The following CEP131 variants were observed in gnomAD, a reference collection of about 807,000 sequenced individuals.
The protein encoded by CEP131 is centrosomal protein of 131 kDa.
A neutral mutation model predicts 136.8 loss-of-function variants in CEP131; 99 were observed. That is an observed-to-expected ratio of 0.72 (90% CI 0.62 to 0.86). The LOEUF (loss-of-function observed/expected upper bound fraction) is 0.86. Ranked by LOEUF, CEP131 falls within the 40% of genes least tolerant of loss-of-function variation. The probability of loss-of-function intolerance (pLI) is 0.00; values close to 1 mark genes in which losing one functional copy is unlikely to be tolerated. For synonymous variants in CEP131, 646 were observed against 612.7 expected (o/e 1.05, Z -0.80); for missense variants, 1,459 against 1,463.0 (o/e 1.00, Z 0.04).
At chr17:81,209,486 G>T (rs1766980250) in intron 2 of CEP131, among the ~76,000 whole-genome samples, 1 of 152,270 alleles carries the variant, frequency 6.6e-6, no homozygotes, top group Admixed American at 6.5e-5. Flanking sequence ...AGACCTGGTA[G>T]TGAGTGCAGC....
chr17:81,210,337 C>G (rs942316195), intron 2 of CEP131, among the ~76,000 whole-genome samples: 1 of 152,096 alleles, frequency 6.6e-6, no homozygotes. Flanking sequence ...TTTGGGAGGC[C>G]GAGGCGGGTG....
chr17:81,195,050 G>T, intron 16 of CEP131, 78 bp from the exon 17 acceptor site: 1 of 1,133,936 alleles, frequency 8.8e-7, no homozygotes, highest in Admixed American at 1.9e-5. Context: ...CACAGTCAGG[G>T]CCGGGCTTCC....
At chr17:81,209,279 G>A (rs910668963) in intron 2 of CEP131, among the ~76,000 whole-genome samples, 1 of 152,174 alleles carries the variant, frequency 6.6e-6, no homozygotes, top group Admixed American at 6.5e-5. Flanking sequence ...TTCACCCCTG[G>A]CAGAGGGAGG....
rs184410269 is a variant in CEP131 at position 81,200,927 on chromosome 17, T to A, written c.789-481A>T. Among the ~76,000 whole-genome samples the A allele has an allele frequency of 3.5e-3, 528 of 152,238 alleles. 2 individuals carry two copies. The highest frequency in any genetic ancestry group is 0.012 in the African/African-American group (490 of 41,530). On this transcript the variant is annotated intron_variant, in intron 7 of 25. Coordinates refer to ENST00000450824, the MANE Select transcript of CEP131 (RefSeq NM_014984.4). ...GCTGGCATCTGGGCGGGGAAGGAGC[T>A]CGAGGGAAGCCTGGTGGTGCTGGGC...
chr17:81,214,348 T>C (rs186655152), intron 2 of CEP131, among the ~76,000 whole-genome samples: 182 of 152,232 alleles, frequency 1.2e-3, no homozygotes, highest in African/African-American at 4.4e-3. Context: ...TTGAGGTCAG[T>C]AGTTTGAGAC....
rs577135140 is a variant in CEP131 at position 81,201,145 on chromosome 17, A to G, written c.789-699T>C. Among the ~76,000 whole-genome samples, 385 of 152,244 alleles carry G rather than the reference A, an allele frequency of 2.5e-3. 2 individuals are homozygous for G. The highest frequency in any genetic ancestry group is 4.6e-3 in the Non-Finnish European group (313 of 68,032). On this transcript the variant is annotated intron_variant, in intron 7 of 25. Coordinates refer to ENST00000450824, the MANE Select transcript of CEP131 (RefSeq NM_014984.4). ...TGTGGATTCTCTCAGCAAAGGCACT[A>G]ACAGAGAACCCAGAACGTGTGAGCC... is the stretch of plus-strand genomic sequence containing the variant.
At chr17:81,210,232 T>C (rs2062102296) in intron 2 of CEP131, among the ~76,000 whole-genome samples, 1 of 152,124 alleles carries the variant, frequency 6.6e-6, no homozygotes, top group Admixed American at 6.5e-5. Context: ...CTCACGCCTG[T>C]AATCCCAGCA....
In CEP131 at chr17:81,203,538, C is replaced by A. The variant is rs1254335506; in HGVS notation, c.585G>T (p.Arg195Ser). Residue 195 changes from arginine (R) to serine (S), a missense_variant, in exon 6 of 26, where the codon AGG becomes AGT. Around this residue, in one of 3 missense-constraint regions of CEP131, gnomAD observed 246 missense variants for 318.9 expected, o/e 0.77. Transcript: ENST00000450824. The surrounding 1 kb of genome is among the most constrained non-coding windows in gnomAD (Gnocchi z 4.6). ...MVHNRYTPSE[R>S]APPLKSSNQT... Reference sequence around the variant, plus strand: ...GGTTGGAGCTCTTGAGCGGAGGCGCCCTCTCCGAGGGGGTGTAGCGGTTGT... The same window carrying A: ...GGTTGGAGCTCTTGAGCGGAGGCGCACTCTCCGAGGGGGTGTAGCGGTTGT... The A allele has an allele frequency of 1.2e-6, 2 of 1,608,954 alleles. No homozygotes were observed. Among genetic ancestry groups the A allele is most frequent in the African/African-American group, 1.3e-5 (1 of 74,872 alleles).
Position 81,195,940 on chromosome 17 carries a change from GTCCTCAA to G in CEP131, c.1904_1910del (p.Ile635ThrfsTer5). 6.2e-7 allele frequency: 1 copy of G among 1,609,390 alleles called. No homozygotes were observed. The highest frequency in any genetic ancestry group is 1.1e-5 in the South Asian group (1 of 91,062). ...CGCACTTTTCACTCAGGACCTTCTT[GTCCTCAA>G]TCAGCTGTGTTGGGGACCGGAGGTG... is the stretch of plus-strand genomic sequence containing the variant. On this transcript the variant is annotated frameshift_variant, in exon 16 of 26. Coordinates refer to ENST00000450824, the MANE Select transcript of CEP131 (RefSeq NM_014984.4). LOFTEE classifies it high-confidence loss of function.
rs997552339 is a variant in CEP131, at chr17:81,203,218, T to C, written c.629+276A>G. ...TCACTGTGCCACATCTGGGCTGTTT[T>C]CTCTCTGTGGGAAGCTGCCGACCCA... is the stretch of plus-strand genomic sequence containing the variant. On this transcript the variant is annotated intron_variant, in intron 6 of 25. Transcript: ENST00000450824. This position sits in a 1 kb window ranked among gnomAD's most constrained non-coding sequence, Gnocchi z 4.6. Among the ~76,000 whole-genome samples the C allele has an allele frequency of 6.6e-6, 1 of 152,066 alleles. No homozygotes were observed. The highest frequency in any genetic ancestry group is 2.4e-5 in the African/African-American group (1 of 41,420).
chr17:81,191,413 G>C (rs2061639208), intron 21 of CEP131, 78 bp from the exon 22 acceptor site: 5 of 1,401,834 alleles, frequency 3.6e-6, no homozygotes, highest in Non-Finnish European at 5.0e-6. Flanking sequence ...GGGGGTCCTG[G>C]GGGGCTCCAG....
chr17:81,218,971 C>T (rs547350619), intron 2 of CEP131, among the ~76,000 whole-genome samples: 44 of 152,366 alleles, frequency 2.9e-4, no homozygotes, highest in African/African-American at 9.6e-4. Context: ...CCAAGGCCCC[C>T]AGGCCCTTGC....
At chr17:81,214,783 T>A (rs547801320) in intron 2 of CEP131, among the ~76,000 whole-genome samples, 91 of 151,428 alleles carry the variant, frequency 6.0e-4, no homozygotes, top group African/African-American at 2.0e-3. Context: ...AAAAAAAAAA[T>A]TTTTTTTGAG....
chr17:81,190,528 T>G (rs1163578435), intron 24 of CEP131, 111 bp downstream of exon 24: 2 of 1,340,154 alleles, frequency 1.5e-6, no homozygotes, highest in Non-Finnish European at 2.0e-6. Flanking sequence ...GCCCTGTCTC[T>G]GCATCTCCTG....
At position 81,197,830 on chromosome 17, in the gene CEP131, G is replaced by C; in HGVS notation, c.1529C>G (p.Ala510Gly). The C allele has an allele frequency of 6.2e-7, 1 of 1,613,218 alleles. No homozygotes were observed. Among genetic ancestry groups the C allele is most frequent in the Non-Finnish European group, 8.5e-7 (1 of 1,179,920 alleles). ...DNLEKFGKLS[A>G]FPEPPEDGTL... Reference sequence around the variant, plus strand: ...CCCATCCTCAGGAGGTTCGGGGAACGCACTGAGTTTTCCAAATTTCTCCAA... The same window carrying C: ...CCCATCCTCAGGAGGTTCGGGGAACCCACTGAGTTTTCCAAATTTCTCCAA... The change falls in exon 13 of 26, where the codon GCG becomes GGG. Residue 510 changes from alanine to glycine, a missense_variant. This residue lies in a region of CEP131 where 1,026 missense variants were observed against 964.2 expected (regional missense o/e 1.06). Coordinates refer to ENST00000450824, the MANE Select transcript of CEP131 (RefSeq NM_014984.4).
At chr17:81,199,584 G>C in intron 9 of CEP131, 35 bp from the exon 10 acceptor site, 1 of 1,594,712 alleles carries the variant, frequency 6.3e-7, no homozygotes, top group Non-Finnish European at 8.5e-7. Context: ...CTGTCCCTGG[G>C]AGAGGACGAC....
At chr17:81,202,769 C>T (rs1301922768) in intron 6 of CEP131, among the ~76,000 whole-genome samples, 5 of 152,188 alleles carry the variant, frequency 3.3e-5, no homozygotes, top group Non-Finnish European at 7.3e-5. Flanking sequence ...CGAGACCAGC[C>T]TTGCCAACAT....
rs139538707 is a variant in CEP131 at position 81,190,743 on chromosome 17, G to A, written c.3003C>T (p.Phe1001=). ...SNLAQVIRQE[F]EDRLAASEEE... is the part of the protein sequence containing the mutation. The stretch of plus-strand genomic sequence containing the variant: ...CCTCAGAGGCTGCCAGCCGGTCCTC[G>A]AACTCCTGGCGGATCACCTGGGCCA... Residue 1001 remains phenylalanine (F), a synonymous_variant, in exon 24 of 26, where the codon TTC becomes TTT. Coordinates refer to ENST00000450824, the MANE Select transcript of CEP131 (RefSeq NM_014984.4). 12 of 1,611,722 alleles carry A rather than the reference G, an allele frequency of 7.4e-6. No homozygotes were observed. In the Admixed American group the frequency reaches 8.3e-5, roughly 11 times the overall value.
chr17:81,221,809 G>A (rs961868050), intron 1 of CEP131, among the ~76,000 whole-genome samples: 1 of 152,190 alleles, frequency 6.6e-6, no homozygotes, highest in Non-Finnish European at 1.5e-5. Flanking sequence ...AGAAGCTGGC[G>A]CCAGGGACCA....
Sources: allele counts gnomAD v4.1 joint callset (sites outside exome capture counted in the v4.1 genomes callset), GRCh38; gene constraint gnomAD v4.1.1; regional missense constraint gnomAD v4.1.1; non-coding constraint Gnocchi (gnomAD v3.1); transcripts MANE v1.5; gene names NCBI Gene and HGNC (gene_info 2026-07-23, HGNC 2026-07-21).